ST18: variants seen among roughly 807,000 people sequenced by gnomAD.
The protein encoded by ST18 is ST18 C2H2C-type zinc finger transcription factor.
Under a neutral mutation model 110.0 loss-of-function variants are expected in ST18, and 50 were observed. The ratio of observed to expected loss-of-function variants is 0.45; its 90% CI spans 0.36 to 0.58. The LOEUF (loss-of-function observed/expected upper bound fraction) is 0.58, where lower values mean the gene tolerates loss of function less well. Ranked by LOEUF, ST18 falls within the 20% of genes least tolerant of loss-of-function variation. The pLI is 0.00. For missense variants in ST18, 1,306 were observed against 1,280.1 expected (o/e 1.02, Z -0.31); for synonymous variants, 461 against 452.4 (o/e 1.02, Z -0.24).
chr8:52,348,229 C>T (rs560638173), intron 2 of ST18, among the ~76,000 whole-genome samples: 12 of 152,136 alleles, frequency 7.9e-5, no homozygotes, highest in Admixed American at 3.3e-4. Context: ...ATTTACAAAC[C>T]CCAGTTCTCT....
At chr8:52,393,716 C>T (rs1292232571) in intron 2 of ST18, 1 of 151,984 alleles carries the variant, frequency 6.6e-6, no homozygotes, top group Non-Finnish European at 1.5e-5. Flanking sequence ...AACCCCATCT[C>T]TACCAAAAAT....
chr8:52,388,801 T>A (rs1192005150), intron 2 of ST18, among the ~76,000 whole-genome samples: 15 of 111,850 alleles, frequency 1.3e-4, no homozygotes, highest in African/African-American at 4.3e-4. Flanking sequence ...AACATCACAC[T>A]CCGGGGACTG....
chr8:52,119,135 A>C (rs915976666), intron 23 of ST18, among the ~76,000 whole-genome samples: 1 of 152,144 alleles, frequency 6.6e-6, no homozygotes, highest in African/African-American at 2.4e-5. Context: ...CAACTTACTT[A>C]TCTTCTTTGT....
At chr8:52,212,763 G>T (rs1441503645) in intron 7 of ST18, among the ~76,000 whole-genome samples, 1 of 152,090 alleles carries the variant, frequency 6.6e-6, no homozygotes, top group East Asian at 1.9e-4. Flanking sequence ...CATGCCTCAC[G>T]AGAAACAGTT....
intron 2 of ST18, among the ~76,000 whole-genome samples, chr8:52,378,293 T>A (rs1003026652): frequency 2.6e-5 from 4 of 152,196 alleles, no homozygotes; most frequent in African/African-American, 9.6e-5. Context: ...TTTAAAGTAA[T>A]GGATACTCCA....
At chr8:52,158,015 A>T (rs1367524405) in intron 15 of ST18, among the ~76,000 whole-genome samples, 1 of 152,228 alleles carries the variant, frequency 6.6e-6, no homozygotes, top group Non-Finnish European at 1.5e-5. Context: ...CTAGGTAGGG[A>T]AATCATTTCT....
intron 2 of ST18, among the ~76,000 whole-genome samples, chr8:52,387,947 A>G (rs1346018415): frequency 6.6e-6 from 1 of 151,350 alleles, no homozygotes; most frequent in African/African-American, 2.4e-5. Flanking sequence ...CACTGCCAGC[A>G]CCCTCCCCAC....
chr8:52,375,216 T>C (rs536089541), intron 2 of ST18, among the ~76,000 whole-genome samples: 2 of 152,042 alleles, frequency 1.3e-5, no homozygotes, highest in Non-Finnish European at 2.9e-5. Context: ...AAAACCAAAA[T>C]GACAAAACAA....
In ST18 at chr8:52,142,935, T is replaced by A. The variant is rs769673535; in HGVS notation, c.2163A>T (p.Leu721=). The A allele has an allele frequency of 6.2e-7, 1 of 1,610,638 alleles. No homozygotes were observed. The highest frequency in any genetic ancestry group is 1.1e-5 in the South Asian group (1 of 90,996). ...TGGCATTGGGCACCACTTACGTGAT[T>A]AGTTCCTTTTTGAGATCTCTTGCAT... ...KLHARDLKKE[L]ITCPTPGCDG... is the part of the protein sequence containing the mutation. The change falls in exon 17 of 26, where the codon CTA becomes CTT. Residue 721 remains leucine (L), a synonymous_variant. Coordinates refer to ENST00000689386, the MANE Select transcript of ST18 (RefSeq NM_001352837.2).
At position 52,172,155 on chromosome 8, in the gene ST18, T is replaced by C; in HGVS notation, c.706A>G (p.Ile236Val). 6.2e-7 allele frequency: 1 copy of C among 1,614,238 alleles called. No homozygotes were observed. The highest frequency in any genetic ancestry group is 1.1e-5 in the South Asian group (1 of 91,090). ...HKKDLLEVPE[I>V]KTEGDKFIPC... The stretch of plus-strand genomic sequence containing the variant: ...ATAAATTTGTCACCTTCAGTTTTTA[T>C]TTCAGGAACTTCCAATAGGTCTTTT... The change falls in exon 10 of 26, where the codon ATA becomes GTA. Residue 236 changes from isoleucine to valine, a missense_variant. Transcript: ENST00000689386.
intron 2 of ST18, among the ~76,000 whole-genome samples, chr8:52,318,222 G>A (rs553539720): frequency 6.6e-5 from 10 of 151,790 alleles, no homozygotes; most frequent in Admixed American, 2.6e-4. Context: ...AAACAACCCC[G>A]TTAAAAAGTG....
At chr8:52,208,224 A>G (rs1193876468) in intron 8 of ST18, among the ~76,000 whole-genome samples, 1 of 152,192 alleles carries the variant, frequency 6.6e-6, no homozygotes, top group East Asian at 1.9e-4. Flanking sequence ...TCGCTCTAGA[A>G]GCAATAACAC....
chr8:52,118,889 GC>G (rs1323568103), intron 23 of ST18, among the ~76,000 whole-genome samples: 4 of 152,130 alleles, frequency 2.6e-5, no homozygotes, highest in African/African-American at 9.7e-5. Flanking sequence ...CAAAGCCCTT[GC>G]ATTCTCTTAT....
At chr8:52,201,290 G>A (rs996322260) in intron 8 of ST18, 1 of 152,116 alleles carries the variant, frequency 6.6e-6, no homozygotes, top group Non-Finnish European at 1.5e-5. Flanking sequence ...CAAAGACCAG[G>A]AGGATGGTCC....
intron 2 of ST18, among the ~76,000 whole-genome samples, chr8:52,323,926 G>A (rs1589909608): frequency 6.6e-6 from 1 of 152,312 alleles, no homozygotes; most frequent in East Asian, 1.9e-4. Flanking sequence ...TAAGGTTTTG[G>A]TAACCTGAAG....
intron 2 of ST18, among the ~76,000 whole-genome samples, chr8:52,287,234 C>A (rs2095485455): frequency 6.6e-6 from 1 of 152,110 alleles, no homozygotes; most frequent in Non-Finnish European, 1.5e-5. Flanking sequence ...GTACATAGAA[C>A]CTATCCACAA....
intron 16 of ST18, among the ~76,000 whole-genome samples, chr8:52,144,319 A>T (rs2056414482): frequency 6.6e-6 from 1 of 152,146 alleles, no homozygotes; most frequent in Admixed American, 6.5e-5. Context: ...ACTATTTTGA[A>T]TCGTTCAAAA....
chr8:52,178,677 AC>A (rs1303404372), intron 9 of ST18, among the ~76,000 whole-genome samples: 5 of 148,992 alleles, frequency 3.4e-5, no homozygotes, highest in African/African-American at 1.2e-4. Context: ...AACAAAAAAA[AC>A]CCACCAAAAC....
chr8:52,265,353 TG>T (rs2094834586), intron 2 of ST18, among the ~76,000 whole-genome samples: 1 of 136,724 alleles, frequency 7.3e-6, no homozygotes, highest in South Asian at 2.1e-4. Flanking sequence ...TTGGATTTAC[TG>T]TAAGTGTGAT....
Sources: gnomAD v4.1 joint callset for allele counts (sites outside exome capture counted in the v4.1 genomes callset) on GRCh38, gnomAD v4.1.1 for gene constraint, MANE v1.5 for transcripts, NCBI Gene and HGNC (gene_info 2026-07-23, HGNC 2026-07-21) for gene names.